The following ANKRD55 variants were observed in gnomAD, a reference collection of about 807,000 sequenced individuals.
ANKRD55 encodes ankyrin repeat domain-containing protein 55.
Under a neutral mutation model 60.6 loss-of-function variants are expected in ANKRD55, and 41 were observed. The observed-to-expected ratio is 0.68, with a 90% CI of 0.53 to 0.88. The LOEUF (loss-of-function observed/expected upper bound fraction) is 0.88, where lower values mean the gene tolerates loss of function less well. Ranked by LOEUF, ANKRD55 falls within the 40% of genes least tolerant of loss-of-function variation. The pLI is 0.00. For synonymous variants in ANKRD55, 264 were observed against 290.3 expected, an observed-to-expected ratio of 0.91 and a Z score of 0.92; for missense variants, 732 against 767.6, an observed-to-expected ratio of 0.95 and a Z score of 0.55.
chr5:56,202,407 G>T (rs746371192), intron 2 of ANKRD55, among the ~76,000 whole-genome samples: 2 of 151,916 alleles, frequency 1.3e-5, no homozygotes, highest in African/African-American at 2.4e-5. Context: ...GCTCTTAAAC[G>T]AGACCCTTTG....
At chr5:56,120,383 A>G (rs1272197504) in intron 8 of ANKRD55, among the ~76,000 whole-genome samples, 1 of 152,190 alleles carries the variant, frequency 6.6e-6, no homozygotes, top group Non-Finnish European at 1.5e-5. Context: ...TGATCTCTAT[A>G]CATATTTTCT....
intron 10 of ANKRD55, chr5:56,108,386 T>C (rs531138391): frequency 5.3e-5 from 8 of 152,334 alleles, no homozygotes; most frequent in African/African-American, 1.9e-4. Context: ...CAGGATGGGT[T>C]GAGGCCCTGA....
intron 5 of ANKRD55, among the ~76,000 whole-genome samples, chr5:56,169,908 C>T (rs891011161): frequency 6.6e-6 from 1 of 152,190 alleles, no homozygotes; most frequent in African/African-American, 2.4e-5. Flanking sequence ...AGCAACTGCT[C>T]TGAGGGGCTT....
chr5:56,171,045 A>C (rs1002386480), intron 4 of ANKRD55, among the ~76,000 whole-genome samples: 3 of 152,048 alleles, frequency 2.0e-5, no homozygotes, highest in African/African-American at 7.3e-5. Flanking sequence ...TGACCTTAGA[A>C]TCTCTCCATC....
chr5:56,110,134 T>C (rs557363537), intron 10 of ANKRD55, among the ~76,000 whole-genome samples: 33 of 151,420 alleles, frequency 2.2e-4, no homozygotes, highest in African/African-American at 6.3e-4. Flanking sequence ...TGGTGGCTCA[T>C]GCCTATAATC....
At chr5:56,126,486 A>G (rs1757259836) in intron 8 of ANKRD55, among the ~76,000 whole-genome samples, 1 of 152,190 alleles carries the variant, frequency 6.6e-6, no homozygotes, top group Admixed American at 6.5e-5. Context: ...AACCTGATAC[A>G]GTTCCTTGCA....
At chr5:56,184,942 T>C (rs6882545) in intron 2 of ANKRD55, among the ~76,000 whole-genome samples, 4,758 of 149,496 alleles carry the variant, frequency 0.032, 267 homozygotes, top group African/African-American at 0.11. Flanking sequence ...CAAGTGGGGC[T>C]GGGTGCAGTG....
chr5:56,222,932 G>A (rs1468928935), intron 2 of ANKRD55, among the ~76,000 whole-genome samples: 3 of 152,192 alleles, frequency 2.0e-5, no homozygotes, highest in Non-Finnish European at 4.4e-5. Context: ...ACACTCTTCA[G>A]GATATTATCC....
intron 11 of ANKRD55, among the ~76,000 whole-genome samples, chr5:56,101,458 A>T (rs1396464486): frequency 6.6e-6 from 1 of 152,146 alleles, no homozygotes; most frequent in Non-Finnish European, 1.5e-5. Flanking sequence ...AAAAAAAGAA[A>T]ATAGAATCCA....
chr5:56,161,239 A>G (rs983740440), intron 5 of ANKRD55, among the ~76,000 whole-genome samples: 1 of 152,162 alleles, frequency 6.6e-6, no homozygotes, highest in African/African-American at 2.4e-5. Flanking sequence ...TGTTTAAAAA[A>G]AGCTATTCAG....
At chr5:56,170,894 GGT>G in intron 4 of ANKRD55, 91 bp from the exon 5 acceptor site, 1 of 1,211,062 alleles carries the variant, frequency 8.3e-7, no homozygotes, top group East Asian at 2.4e-5. Flanking sequence ...CCCTTTCTCT[GGT>G]TTGGTTAAAA....
chr5:56,182,713 G>C (rs1026709563), intron 3 of ANKRD55, among the ~76,000 whole-genome samples: 2 of 152,086 alleles, frequency 1.3e-5, no homozygotes, highest in African/African-American at 4.8e-5. Context: ...ATTTTAGCTG[G>C]CTTCCATGGG....
intron 10 of ANKRD55, among the ~76,000 whole-genome samples, chr5:56,103,116 G>A (rs1340650082): frequency 2.6e-5 from 4 of 152,234 alleles, no homozygotes; most frequent in Admixed American, 6.5e-5. Flanking sequence ...GCTGATTCAA[G>A]TGCAGCCAGG....
chr5:56,154,047 TA>T (rs1308009005), intron 6 of ANKRD55, among the ~76,000 whole-genome samples: 1 of 147,828 alleles, frequency 6.8e-6, no homozygotes. Flanking sequence ...CCGTCTCTAC[TA>T]AAAATACAAA....
At chr5:56,195,182 G>T (rs188484736) in intron 2 of ANKRD55, among the ~76,000 whole-genome samples, 1 of 152,140 alleles carries the variant, frequency 6.6e-6, no homozygotes, top group South Asian at 2.1e-4. Context: ...TTCTAACAAC[G>T]CAGAATACCT....
At chr5:56,119,792 C>A (rs968531446) in intron 8 of ANKRD55, among the ~76,000 whole-genome samples, 1 of 151,946 alleles carries the variant, frequency 6.6e-6, no homozygotes, top group South Asian at 2.1e-4. Flanking sequence ...GGGTACGTGC[C>A]TGTAGTCCTC....
At chr5:56,169,778 A>T (rs748712636) in intron 5 of ANKRD55, among the ~76,000 whole-genome samples, 3 of 152,118 alleles carry the variant, frequency 2.0e-5, no homozygotes, top group Non-Finnish European at 2.9e-5. Context: ...TATATAGAAT[A>T]TACTCCTTGT....
intron 2 of ANKRD55, among the ~76,000 whole-genome samples, chr5:56,199,908 G>T (rs1460984878): frequency 1.3e-5 from 2 of 151,502 alleles, no homozygotes; most frequent in South Asian, 2.1e-4. Flanking sequence ...AAAAAAAGAG[G>T]CCGAGGTGAG....
At chr5:56,202,267 A>C (rs1759398452) in intron 2 of ANKRD55, among the ~76,000 whole-genome samples, 1 of 152,216 alleles carries the variant, frequency 6.6e-6, no homozygotes, top group African/African-American at 2.4e-5. Flanking sequence ...CCTATGTAAC[A>C]AACCTGCACA....
Sources: allele counts gnomAD v4.1 joint callset (sites outside exome capture counted in the v4.1 genomes callset), GRCh38; gene constraint gnomAD v4.1.1; transcripts MANE v1.5; gene names NCBI Gene and HGNC (gene_info 2026-07-23, HGNC 2026-07-21).